Variants in EXOC5 observed in about 807,000 individuals in gnomAD.
EXOC5 encodes the protein SEC10-like 1.
EXOC5 carries 17 observed loss-of-function variants against 90.8 expected under a neutral mutation model. That is an observed-to-expected ratio of 0.19 (90% CI 0.13 to 0.28). EXOC5 has a LOEUF of 0.28. Among genes scored for constraint, EXOC5 ranks in the 10% least tolerant of loss-of-function variants. The pLI, the probability that EXOC5 is intolerant of heterozygous loss-of-function variation, is 1.00. For synonymous variants in EXOC5, 260 were observed against 270.0 expected (o/e 0.96, Z 0.36); for missense variants, 569 against 830.6 (o/e 0.69, Z 3.87).
intron 15 of EXOC5, among the ~76,000 whole-genome samples, chr14:57,217,194 C>T (rs1883000523): frequency 6.6e-6 from 1 of 152,276 alleles, no homozygotes; most frequent in Middle Eastern, 3.4e-3. Context: ...AGGAAAAGTA[C>T]AGAAATTCCT....
Position 57,234,631 on chromosome 14 carries a change from T to A in EXOC5, c.670-599A>T, listed in dbSNP as rs1003134065. ...CCCAGGCTGGAATGCAATGGTGTCA[T>A]CTTGGCTAACTACAACCTCTGCCTC... On this transcript the variant is annotated intron_variant, in intron 7 of 17. Coordinates refer to ENST00000621441, the MANE Select transcript of EXOC5 (RefSeq NM_006544.4). Among the ~76,000 whole-genome samples the A allele has an allele frequency of 6.0e-5, 9 of 151,074 alleles. No homozygotes were observed. In the South Asian group the frequency reaches 1.1e-3, roughly 18 times the overall value.
chr14:57,229,770 TA>T lies in EXOC5; in HGVS notation c.1259del (p.Leu420TyrfsTer88). 6.6e-7 allele frequency: 1 copy of T among 1,525,020 alleles called. No individual in the cohort carries two copies. Among genetic ancestry groups the T allele is most frequent in the Admixed American group, 2.0e-5 (1 of 50,704 alleles). 94.5% of individuals were successfully genotyped at this position (1,525,020 alleles called of 1,614,324 possible). A position where few individuals can be genotyped will look rare whatever the true frequency, so the allele number is the denominator to read the frequency against. On this transcript the variant is annotated frameshift_variant, in exon 12 of 18. Coordinates refer to ENST00000621441, the MANE Select transcript of EXOC5 (RefSeq NM_006544.4). LOFTEE classifies it high-confidence loss of function. ...FLSQEVVVNL[L>X]QETKQAFERC... ...TTTCAAAGGCTTGTTTGGTTTCTTG[TA>T]AAAGATTAACCACCACTTCTTGGGA...
chr14:57,252,003 A>T (rs1884210158), intron 1 of EXOC5, among the ~76,000 whole-genome samples: 2 of 152,216 alleles, frequency 1.3e-5, no homozygotes, highest in South Asian at 4.1e-4. Context: ...CCAAGGCTAA[A>T]TCCTGAAAAA....
intron 5 of EXOC5, 40 bp downstream of exon 5, chr14:57,239,555 A>T (rs878871778): frequency 7.5e-6 from 8 of 1,059,664 alleles, no homozygotes; most frequent in Non-Finnish European, 9.7e-6. Flanking sequence ...TTTATAAATT[A>T]TACCACATAT....
intron 5 of EXOC5, 24 bp from the exon 6 acceptor site, chr14:57,237,390 A>C (rs1279968213): frequency 5.3e-6 from 8 of 1,510,166 alleles, no homozygotes; most frequent in Non-Finnish European, 7.2e-6. Flanking sequence ...ACCAACCATG[A>C]GGTTTGTTAG....
intron 11 of EXOC5, 130 bp downstream of exon 11, chr14:57,231,376 A>G (rs2139634814): frequency 3.1e-6 from 2 of 641,944 alleles, no homozygotes; most frequent in Non-Finnish European, 5.4e-6. Context: ...GATCAATAAT[A>G]TAACAATCTG....
chr14:57,265,589 G>A (rs1307122177), intron 1 of EXOC5, among the ~76,000 whole-genome samples: 1 of 152,186 alleles, frequency 6.6e-6, no homozygotes, highest in Non-Finnish European at 1.5e-5. Flanking sequence ...GCTGGGCATG[G>A]AGGCAGGCAC....
At chr14:57,213,389 A>G (rs1882882012) in intron 15 of EXOC5, among the ~76,000 whole-genome samples, 3 of 151,094 alleles carry the variant, frequency 2.0e-5, no homozygotes, top group South Asian at 4.2e-4. Flanking sequence ...CTCTAAACAA[A>G]TTTTTTTTTA....
At chr14:57,257,023 C>T (rs954225039) in intron 1 of EXOC5, among the ~76,000 whole-genome samples, 1 of 152,110 alleles carries the variant, frequency 6.6e-6, no homozygotes, top group Admixed American at 6.6e-5. Context: ...CCCAAAAGAC[C>T]CAACCTGCAA....
chr14:57,242,943 G>T (rs959029816), intron 4 of EXOC5, among the ~76,000 whole-genome samples: 6 of 152,174 alleles, frequency 3.9e-5, no homozygotes, highest in African/African-American at 1.4e-4. Flanking sequence ...AATGTCTTTT[G>T]CAGCAACTTG....
chr14:57,236,791 A>G (rs1883677006), intron 6 of EXOC5, among the ~76,000 whole-genome samples: 1 of 152,130 alleles, frequency 6.6e-6, no homozygotes, highest in Non-Finnish European at 1.5e-5. Flanking sequence ...AGAACCTGCA[A>G]ATTTAGTGGT....
intron 1 of EXOC5, among the ~76,000 whole-genome samples, chr14:57,249,652 A>G (rs1246361651): frequency 2.6e-5 from 4 of 152,176 alleles, no homozygotes; most frequent in African/African-American, 9.7e-5. Context: ...CTCTGGATCT[A>G]GTGGAGGAGA....
intron 1 of EXOC5, among the ~76,000 whole-genome samples, chr14:57,252,711 C>T (rs767350409): frequency 1.3e-5 from 2 of 151,920 alleles, no homozygotes; most frequent in South Asian, 4.1e-4. Context: ...ACAGCCATTA[C>T]GAAAAATGTT....
intron 5 of EXOC5, among the ~76,000 whole-genome samples, chr14:57,239,200 G>A (rs1883779224): frequency 6.6e-6 from 1 of 152,052 alleles, no homozygotes; most frequent in Non-Finnish European, 1.5e-5. Context: ...AGGTGTCCAA[G>A]GCCTCCAAAA....
chr14:57,248,466 T>C (rs1014854488), intron 1 of EXOC5, among the ~76,000 whole-genome samples: 1 of 151,904 alleles, frequency 6.6e-6, no homozygotes, highest in Non-Finnish European at 1.5e-5. Context: ...GAGAAAAAAG[T>C]CTAACATATG....
At position 57,207,249 on chromosome 14, in the gene EXOC5, G is replaced by A. The variant is rs1882684017; in HGVS notation, c.*1360C>T. 1 of 152,304 alleles carries A rather than the reference G, an allele frequency of 6.6e-6. No individual in the cohort carries two copies. The highest frequency in any genetic ancestry group is 2.4e-5 in the African/African-American group (1 of 41,374). 9.4% of individuals were successfully genotyped at this position (152,304 alleles called of 1,614,324 possible). A position where few individuals can be genotyped will look rare whatever the true frequency, so the allele number is the denominator to read the frequency against. On this transcript the variant is annotated 3_prime_UTR_variant, in exon 18 of 18. Transcript: ENST00000621441. ...GACATTCAGAATAAGGTTCTCAGAA[G>A]AAAAGCAGTTTTCCAAAAATAGGCT... is the stretch of plus-strand genomic sequence containing the variant.
rs753117559 is a variant in EXOC5, at chr14:57,202,356, G to C, written c.*6253C>G. ...TAAAATGATTGGTGTCTGAGGATTA[G>C]ATAGTAGTAATATGTCAATGTTAAC... On this transcript the variant is annotated 3_prime_UTR_variant, in exon 18 of 18. Transcript: ENST00000621441. 3.3e-5 allele frequency: 5 copies of C among 152,190 alleles called. No homozygotes were observed. Among genetic ancestry groups the C allele is most frequent in the Non-Finnish European group, 5.9e-5 (4 of 68,032 alleles). The allele number at this position is 152,190 out of a possible 1,614,324, so 9.4% of individuals were successfully genotyped here. A position where few individuals can be genotyped will look rare whatever the true frequency, so the allele number is the denominator to read the frequency against.
intron 1 of EXOC5, among the ~76,000 whole-genome samples, chr14:57,253,766 A>T (rs1884263562): frequency 1.3e-5 from 2 of 152,240 alleles, no homozygotes. Flanking sequence ...CAGAAAGGAC[A>T]GTCTTTTCAG....
At position 57,202,357 on chromosome 14, in the gene EXOC5, A is replaced by G. The variant is rs751675850; in HGVS notation, c.*6252T>C. The G allele has an allele frequency of 2.6e-4, 40 of 152,300 alleles. No individual in the cohort carries two copies. The highest frequency in any genetic ancestry group is 5.3e-4 in the Non-Finnish European group (36 of 68,020). The allele number at this position is 152,300 out of a possible 1,614,324, so 9.4% of individuals were successfully genotyped here. A position where few individuals can be genotyped will look rare whatever the true frequency, so the allele number is the denominator to read the frequency against. ...AAAATGATTGGTGTCTGAGGATTAG[A>G]TAGTAGTAATATGTCAATGTTAACT... On this transcript the variant is annotated 3_prime_UTR_variant, in exon 18 of 18. Coordinates refer to ENST00000621441, the MANE Select transcript of EXOC5 (RefSeq NM_006544.4).
Sources: allele counts gnomAD v4.1 joint callset (sites outside exome capture counted in the v4.1 genomes callset), GRCh38; gene constraint gnomAD v4.1.1; transcripts MANE v1.5; gene names NCBI Gene and HGNC (gene_info 2026-07-23, HGNC 2026-07-21).